The following DVL2 variants were observed in gnomAD, a reference collection of about 807,000 sequenced individuals.
The protein encoded by DVL2 is dishevelled segment polarity protein 2.
Under a neutral mutation model 69.8 loss-of-function variants are expected in DVL2, and 38 were observed. That is an observed-to-expected ratio of 0.54 (90% confidence interval 0.42 to 0.71). The LOEUF is 0.71. Among genes scored for constraint, DVL2 ranks in the 30% least tolerant of loss-of-function variants. The pLI, the probability that DVL2 is intolerant of heterozygous loss-of-function variation, is 0.00. For missense variants in DVL2, 931 were observed against 1,008.1 expected, an observed-to-expected ratio of 0.92 and a Z score of 1.04; for synonymous variants, 428 against 392.4, an observed-to-expected ratio of 1.09 and a Z score of -1.07.
chr17:7,232,258 C>T (rs1409677111), intron 1 of DVL2, among the ~76,000 whole-genome samples: 1 of 152,216 alleles, frequency 6.6e-6, no homozygotes, highest in African/African-American at 2.4e-5. Context: ...TTTCCACACA[C>T]AACCTTAGCC....
Position 7,233,183 on chromosome 17 carries a change from G to A in DVL2, c.194+886C>T, listed in dbSNP as rs142195626. ...AGGGCTTTCTCTGCATTATTTACACGCCAATCTAGTCCAAGATAGCCCTGA... is the reference window on the plus strand; with the variant it reads ...AGGGCTTTCTCTGCATTATTTACACACCAATCTAGTCCAAGATAGCCCTGA... On this transcript the variant is annotated intron_variant, in intron 1 of 14. Transcript: ENST00000005340. 1.4e-3 allele frequency among the ~76,000 whole-genome samples: 203 copies of A among 149,338 alleles called. 1 individual carries two copies. Among genetic ancestry groups the A allele is most frequent in the African/African-American group, 4.9e-3 (197 of 40,348 alleles).
Position 7,226,472 on chromosome 17 carries a change from G to A in DVL2, c.1711C>T (p.Leu571Phe). The A allele has an allele frequency of 3.8e-6, 6 of 1,563,602 alleles. No individual in the cohort carries two copies. The highest frequency in any genetic ancestry group is 5.2e-6 in the Non-Finnish European group (6 of 1,156,984). The change falls in exon 14 of 15, where the codon CTT becomes TTT. Residue 571 changes from leucine (L) to phenylalanine (F), a missense_variant. This residue lies in a region of DVL2 where 314 missense variants were observed against 313.7 expected (regional missense o/e 1.00). Coordinates refer to ENST00000005340, the MANE Select transcript of DVL2 (RefSeq NM_004422.3). ...YSPQPPPYHE[L>F]SSYTYGGGSA... ...CCCCCACCATAGGTGTAAGATGAAAGCTCATGGTAGGGTGGAGGCTGCGGG... is the reference window on the plus strand; with the variant it reads ...CCCCCACCATAGGTGTAAGATGAAAACTCATGGTAGGGTGGAGGCTGCGGG...
In DVL2 at chr17:7,234,052, C is replaced by A. The variant is rs1223410530; in HGVS notation, c.194+17G>T. On this transcript the variant is annotated intron_variant, in intron 1 of 14. Coordinates refer to ENST00000005340, the MANE Select transcript of DVL2 (RefSeq NM_004422.3). ...CTAGCAAAGCCCCCGCCGGTCCTAT[C>A]TAGGCCTTGCGCTCACCCGAAATCC... The A allele has an allele frequency of 6.2e-7, 1 of 1,613,316 alleles. No individual in the cohort carries two copies. The highest frequency in any genetic ancestry group is 8.5e-7 in the Non-Finnish European group (1 of 1,179,956).
chr17:7,225,894 G>A lies in DVL2; in HGVS notation c.2182C>T (p.Pro728Ser). The A allele has an allele frequency of 6.2e-7, 1 of 1,613,958 alleles. No homozygotes were observed. Among genetic ancestry groups the A allele is most frequent in the Non-Finnish European group, 8.5e-7 (1 of 1,180,028 alleles). ...RQSFHMAMGN[P>S]SEFFVDVM Reference sequence around the variant, plus strand: ...ATAACATCCACAAAGAACTCGCTGGGATTGCCCATGGCCATGTGGAAGCTT... The same window carrying A: ...ATAACATCCACAAAGAACTCGCTGGAATTGCCCATGGCCATGTGGAAGCTT... Residue 728 changes from proline to serine, a missense_variant, in exon 15 of 15, where the codon CCC becomes TCC. Transcript: ENST00000005340.
chr17:7,230,106 C>T lies in DVL2; in HGVS notation c.460G>A (p.Glu154Lys), dbSNP rs200283908. ...TCCCGCCTCAGTGACACTACTGACT[C>T]GGTTTCTGTCTCAGGCTCCAGATTC... is the stretch of plus-strand genomic sequence containing the variant. ...HENLEPETETESVVSLRRERP... is the reference protein window; with the variant it reads ...HENLEPETETKSVVSLRRERP... Residue 154 changes from glutamate (E) to lysine (K), a missense_variant, in exon 4 of 15, where the codon GAG becomes AAG. Coordinates refer to ENST00000005340, the MANE Select transcript of DVL2 (RefSeq NM_004422.3). 144 of 1,614,204 alleles carry T rather than the reference C, an allele frequency of 8.9e-5. No homozygotes were observed. Among genetic ancestry groups the T allele is most frequent in the East Asian group, 2.5e-4 (11 of 44,880 alleles).
At position 7,229,385 on chromosome 17, in the gene DVL2, T is replaced by C. The variant is rs750176995; in HGVS notation, c.810A>G (p.Leu270=). 3 of 1,613,820 alleles carry C rather than the reference T, an allele frequency of 1.9e-6. No individual in the cohort carries two copies. The highest frequency in any genetic ancestry group is 1.3e-5 in the African/African-American group (1 of 74,938). The change falls in exon 7 of 15, where the codon CTA becomes CTG. Residue 270 remains leucine, a synonymous_variant. Transcript: ENST00000005340. The surrounding 1 kb of genome is among the most constrained non-coding windows in gnomAD (Gnocchi z 4.4). ...CACAGGCTCTCCCCATACCCATGTT[T>C]AGCGTGACTGTGATGATATTGAGAG... ...TMSLNIITVT[L]NMEKYNFLGI...
Position 7,226,018 on chromosome 17 carries a change from G to C in DVL2, c.2058C>G (p.Pro686=), listed in dbSNP as rs1221220487. 6.2e-7 allele frequency: 1 copy of C among 1,612,888 alleles called. No homozygotes were observed. The change falls in exon 15 of 15, where the codon CCC becomes CCG. Residue 686 remains proline, a synonymous_variant. Transcript: ENST00000005340. Reference sequence around the variant, plus strand: ...CTGGAGGGACTGGAGGTGGAGGTGGGGGCATCATGACCACCATCATGGGGT... The same window carrying C: ...CTGGAGGGACTGGAGGTGGAGGTGGCGGCATCATGACCACCATCATGGGGT... ...PYNPMMVVMM[P]PPPPPVPPAV...
At chr17:7,228,076 A>C in intron 9 of DVL2, 32 bp from the exon 10 acceptor site, 1 of 1,513,772 alleles carries the variant, frequency 6.6e-7, no homozygotes, top group Non-Finnish European at 8.9e-7. Flanking sequence ...TCAAGGGCGC[A>C]GGGGAAGAGG....
intron 1 of DVL2, among the ~76,000 whole-genome samples, chr17:7,232,102 A>T (rs990229499): frequency 3.3e-5 from 5 of 152,158 alleles, no homozygotes; most frequent in Non-Finnish European, 7.4e-5. Context: ...CTTGACCATG[A>T]CATCAAACCA....
At chr17:7,228,423 T>G (rs2071491248) in intron 9 of DVL2, 1 of 182,930 alleles carries the variant, frequency 5.5e-6, no homozygotes, top group African/African-American at 2.4e-5. Context: ...CCTGGGGCAG[T>G]GAGGCATTTG....
rs1259955103 is a variant in DVL2 at position 7,226,034 on chromosome 17, A to C, written c.2042T>G (p.Met681Arg). Residue 681 changes from methionine to arginine, a missense_variant, in exon 15 of 15, where the codon ATG (methionine) becomes AGG (arginine). Transcript: ENST00000005340. Reference sequence around the variant, plus strand: ...TGGAGGTGGGGGCATCATGACCACCATCATGGGGTTGTAGGGGAGGGCCAT... The same window carrying C: ...TGGAGGTGGGGGCATCATGACCACCCTCATGGGGTTGTAGGGGAGGGCCAT... ...PGMALPYNPMMVVMMPPPPPP... is the reference protein window; with the variant it reads ...PGMALPYNPMRVVMMPPPPPP... The C allele has an allele frequency of 6.2e-6, 10 of 1,611,570 alleles. No individual in the cohort carries two copies. Among genetic ancestry groups the C allele is most frequent in the Non-Finnish European group, 8.5e-6 (10 of 1,178,944 alleles).
At chr17:7,232,224 C>T (rs2071553653) in intron 1 of DVL2, among the ~76,000 whole-genome samples, 1 of 152,236 alleles carries the variant, frequency 6.6e-6, no homozygotes, top group Admixed American at 6.5e-5. Flanking sequence ...ATCAGACTCT[C>T]TACCCTAGTT....
intron 1 of DVL2, 75 bp from the exon 2 acceptor site, chr17:7,230,872 A>G (rs971345311): frequency 1.2e-5 from 14 of 1,121,560 alleles, no homozygotes; most frequent in Middle Eastern, 4.1e-4. Context: ...ACTTTCTCCC[A>G]ATCTTCACCT....
At chr17:7,228,365 C>T (rs1567573529) in intron 9 of DVL2, 1 of 205,084 alleles carries the variant, frequency 4.9e-6, no homozygotes, top group Middle Eastern at 1.9e-3. Context: ...TGAGGCAAAG[C>T]TTTTCTTTGT....
At position 7,225,856 on chromosome 17, in the gene DVL2, C is replaced by T. The variant is rs764902925; in HGVS notation, c.*9G>A. ...AGGAGCGCCCGGCCCAGCCTGGCCC[C>T]ACAGTGGGCTACATAACATCCACAA... On this transcript the variant is annotated 3_prime_UTR_variant, in exon 15 of 15. Coordinates refer to ENST00000005340, the MANE Select transcript of DVL2 (RefSeq NM_004422.3). 1 of 1,613,166 alleles carries T rather than the reference C, an allele frequency of 6.2e-7. No individual in the cohort carries two copies. Among genetic ancestry groups the T allele is most frequent in the South Asian group, 1.1e-5 (1 of 91,070 alleles).
Position 7,229,775 on chromosome 17 carries a change from G to T in DVL2, c.656+33C>A. ...ATTGACTGGAAGACGAGACGGGGCT[G>T]GGTGCGCTGGGGAGAGCTGTGCGGA... On this transcript the variant is annotated intron_variant, in intron 5 of 14. Transcript: ENST00000005340. This position sits in a 1 kb window ranked among gnomAD's most constrained non-coding sequence, Gnocchi z 4.4. 6.3e-7 allele frequency: 1 copy of T among 1,595,628 alleles called. No homozygotes were observed. Among genetic ancestry groups the T allele is most frequent in the Non-Finnish European group, 8.6e-7 (1 of 1,167,060 alleles).
Position 7,234,134 on chromosome 17 carries a change from G to A in DVL2, c.129C>T (p.Phe43=). The change falls in exon 1 of 15, where the codon TTC becomes TTT. Residue 43 remains phenylalanine, a synonymous_variant. Coordinates refer to ENST00000005340, the MANE Select transcript of DVL2 (RefSeq NM_004422.3). ...VPAERITLGD[F]KSVLQRPAGA... ...CCGCGGGCCGCTGCAGGACGCTCTT[G>A]AAATCGCCGAGGGTGATGCGCTCGG... The A allele has an allele frequency of 3.1e-6, 5 of 1,614,156 alleles. No individual in the cohort carries two copies. Among genetic ancestry groups the A allele is most frequent in the Non-Finnish European group, 2.5e-6 (3 of 1,180,026 alleles).
rs369183923 is a variant in DVL2, at chr17:7,227,772, G to C, written c.1114C>G (p.Gln372Glu). ...ACCCAGGCAGCAGGGTCAATTGGCTGGATGGGCTCATCTGGGACAAAGATG... is the reference window on the plus strand; with the variant it reads ...ACCCAGGCAGCAGGGTCAATTGGCTCGATGGGCTCATCTGGGACAAAGATG... ...YFTLPRNEPI[Q>E]PIDPAAWVSH... Residue 372 changes from glutamine (Q) to glutamate (E), a missense_variant, in exon 11 of 15, where the codon CAG (glutamine) becomes GAG (glutamate). Around this residue, in one of 3 missense-constraint regions of DVL2, gnomAD observed 555 missense variants for 588.8 expected, o/e 0.94. Transcript: ENST00000005340. 2 of 1,577,260 alleles carry C rather than the reference G, an allele frequency of 1.3e-6. No homozygotes were observed. Among genetic ancestry groups the C allele is most frequent in the Non-Finnish European group, 1.7e-6 (2 of 1,161,378 alleles).
rs569695349 is a variant in DVL2, at chr17:7,229,604, G to A, written c.731C>T (p.Pro244Leu). The A allele has an allele frequency of 6.4e-6, 10 of 1,560,850 alleles. No individual in the cohort carries two copies. Among genetic ancestry groups the A allele is most frequent in the East Asian group, 4.5e-5 (2 of 44,512 alleles). Residue 244 changes from proline to leucine, a missense_variant, in exon 6 of 15, where the codon CCA (proline) becomes CTA (leucine). By Grantham distance (98) the Pro-to-Leu change is moderately conservative (BLOSUM62 -3). This residue lies in a region of DVL2 where 555 missense variants were observed against 588.8 expected (regional missense o/e 0.94). Coordinates refer to ENST00000005340, the MANE Select transcript of DVL2 (RefSeq NM_004422.3). The surrounding 1 kb of genome is among the most constrained non-coding windows in gnomAD (Gnocchi z 4.4). ...KRHRRRRKQRPPRLERTSSFS... is the reference protein window; with the variant it reads ...KRHRRRRKQRLPRLERTSSFS... ...ACCCCTCACCCTCTCCAGGCGGGGTGGCCTCTGCTTCCTTCGCCGCCGGTG... is the reference window on the plus strand; with the variant it reads ...ACCCCTCACCCTCTCCAGGCGGGGTAGCCTCTGCTTCCTTCGCCGCCGGTG...
Sources: allele counts gnomAD v4.1 joint callset (sites outside exome capture counted in the v4.1 genomes callset), GRCh38; gene constraint gnomAD v4.1.1; regional missense constraint gnomAD v4.1.1; non-coding constraint Gnocchi (gnomAD v3.1); transcripts MANE v1.5; gene names NCBI Gene and HGNC (gene_info 2026-07-23, HGNC 2026-07-21).